BIN2: variants seen among roughly 807,000 people sequenced by gnomAD.
BIN2 encodes breast cancer associated protein BRAP1.
In BIN2, 43 loss-of-function variants were observed where a neutral mutation model predicts 67.9. The observed-to-expected ratio is 0.63, with a 90% confidence interval of 0.50 to 0.82. The LOEUF (loss-of-function observed/expected upper bound fraction) is 0.82. Ranked by LOEUF, BIN2 falls within the 40% of genes least tolerant of loss-of-function variation. The pLI is 0.00. For synonymous variants in BIN2, 244 were observed against 246.8 expected (o/e 0.99, Z 0.11); for missense variants, 581 against 671.6 (o/e 0.87, Z 1.49).
chr12:51,295,546 G>C (rs547513607), intron 9 of BIN2, among the ~76,000 whole-genome samples: 2 of 111,950 alleles, frequency 1.8e-5, no homozygotes, highest in African/African-American at 7.3e-5. Context: ...CTGGGCGACA[G>C]AGTGAGACTC....
intron 9 of BIN2, among the ~76,000 whole-genome samples, chr12:51,292,987 G>A (rs1251328138): frequency 1.3e-5 from 2 of 152,030 alleles, no homozygotes; most frequent in East Asian, 3.8e-4. Context: ...TCAGGCATGA[G>A]TTACAATGCT....
At chr12:51,295,760 G>A in intron 9 of BIN2, 36 bp downstream of exon 9, 1 of 1,576,758 alleles carries the variant, frequency 6.3e-7, no homozygotes, top group East Asian at 2.2e-5. Context: ...TCACACACAG[G>A]ACAAGCGAAG....
rs762334085 is a variant in BIN2, at chr12:51,291,895, C to T, written c.1211G>A (p.Arg404Lys). The T allele has an allele frequency of 1.2e-6, 2 of 1,614,182 alleles. No individual in the cohort carries two copies. The highest frequency in any genetic ancestry group is 1.1e-5 in the South Asian group (1 of 91,090). ...TGCTGAGGTCCTCTGGATAGAGGCT[C>T]TCTTCTTTGGTTGTTCAGATCCTTC... ...ASEGSEQPKK[R>K]ASIQRTSAPP... is the part of the protein sequence containing the mutation. Residue 404 changes from arginine to lysine, a missense_variant, in exon 10 of 13, where the codon AGA (arginine) becomes AAA (lysine). Transcript: ENST00000615107.
At chr12:51,316,748 C>T (rs1326508919) in intron 1 of BIN2, among the ~76,000 whole-genome samples, 3 of 152,228 alleles carry the variant, frequency 2.0e-5, no homozygotes, top group South Asian at 2.1e-4. Flanking sequence ...AGTTCAACTC[C>T]GTATCTTTTG....
chr12:51,294,944 T>C (rs1195412483), intron 9 of BIN2, among the ~76,000 whole-genome samples: 1 of 152,070 alleles, frequency 6.6e-6, no homozygotes, highest in Non-Finnish European at 1.5e-5. Flanking sequence ...TTTTATTAAT[T>C]TTTTTAGAGA....
chr12:51,291,180 AG>A (rs1393253190), intron 10 of BIN2, among the ~76,000 whole-genome samples: 1 of 152,166 alleles, frequency 6.6e-6, no homozygotes, highest in East Asian at 1.9e-4. Flanking sequence ...AACAAAAAAA[AG>A]TCAATTACCC....
chr12:51,284,963 A>G (rs938029395), intron 11 of BIN2, among the ~76,000 whole-genome samples, 176 bp from the exon 12 acceptor site: 4 of 152,204 alleles, frequency 2.6e-5, no homozygotes, highest in African/African-American at 9.6e-5. Flanking sequence ...GCTTTCATCC[A>G]TCCTCTTTTA....
upstream of BIN2, chr12:51,324,226 C>T: frequency 6.8e-7 from 1 of 1,462,746 alleles, no homozygotes. Flanking sequence ...CCACCTCAGG[C>T]CGCCCCTGGC....
At chr12:51,307,595 G>A (rs1248116870) in intron 2 of BIN2, among the ~76,000 whole-genome samples, 2 of 151,752 alleles carry the variant, frequency 1.3e-5, no homozygotes, top group Admixed American at 1.3e-4. Context: ...TGTAATCCCA[G>A]CTACTTAGGA....
intron 1 of BIN2, among the ~76,000 whole-genome samples, chr12:51,315,401 T>C (rs1342258988): frequency 6.6e-6 from 1 of 152,174 alleles, no homozygotes; most frequent in African/African-American, 2.4e-5. Flanking sequence ...CTCTATCTCC[T>C]GACCTCGTGA....
chr12:51,298,137 G>C (rs183187593), intron 7 of BIN2, among the ~76,000 whole-genome samples: 1 of 152,282 alleles, frequency 6.6e-6, no homozygotes, highest in East Asian at 1.9e-4. Context: ...ACTTTGGGAG[G>C]CTGAGGTAGG....
intron 2 of BIN2, among the ~76,000 whole-genome samples, chr12:51,307,462 A>T (rs1945897323): frequency 6.6e-6 from 1 of 151,770 alleles, no homozygotes; most frequent in Non-Finnish European, 1.5e-5. Context: ...TAATCCCACC[A>T]CTTTGGGAGG....
intron 1 of BIN2, among the ~76,000 whole-genome samples, chr12:51,320,272 G>A (rs974468790): frequency 5.9e-5 from 9 of 152,086 alleles, no homozygotes; most frequent in African/African-American, 1.7e-4. Context: ...TACCCACCTC[G>A]CCCTCCCAAA....
chr12:51,293,005 G>A (rs918811346), intron 9 of BIN2, among the ~76,000 whole-genome samples: 1 of 152,000 alleles, frequency 6.6e-6, no homozygotes, highest in Non-Finnish European at 1.5e-5. Context: ...GCTGCTGGTT[G>A]TGAGTTCAAT....
chr12:51,313,715 G>T, intron 2 of BIN2, 108 bp downstream of exon 2: 2 of 986,752 alleles, frequency 2.0e-6, no homozygotes, highest in Non-Finnish European at 3.2e-6. Context: ...GGGGGAGGGT[G>T]GCTTGGTGGA....
chr12:51,299,517 A>G (rs1945661146), intron 6 of BIN2, 90 bp downstream of exon 6: 2 of 1,188,682 alleles, frequency 1.7e-6, no homozygotes, highest in Non-Finnish European at 2.5e-6. Flanking sequence ...ATAATTTCCT[A>G]TACCCATGTT....
rs376067729 is a variant in BIN2, at chr12:51,292,003, G to A, written c.1103C>T (p.Pro368Leu). 8.7e-6 allele frequency: 14 copies of A among 1,614,248 alleles called. No individual in the cohort carries two copies. In the African/African-American group the frequency reaches 9.3e-5, roughly 11 times the overall value. Reference sequence around the variant, plus strand: ...AGGGCTCAGGGCTCCGCCTGGTGATGGAGTTGTGGAGCTGGGGAGAACTTC... The same window carrying A: ...AGGGCTCAGGGCTCCGCCTGGTGATAGAGTTGTGGAGCTGGGGAGAACTTC... ...QEEVLPSSTTPSPGGALSPSG... is the reference protein window; with the variant it reads ...QEEVLPSSTTLSPGGALSPSG... Residue 368 changes from proline (P) to leucine (L), a missense_variant, in exon 10 of 13, where the codon CCA (proline) becomes CTA (leucine). Transcript: ENST00000615107.
intron 4 of BIN2, 133 bp from the exon 5 acceptor site, chr12:51,302,248 G>T: frequency 1.6e-6 from 1 of 629,476 alleles, no homozygotes; most frequent in South Asian, 1.9e-5. Flanking sequence ...TGGATTCTGG[G>T]GACTAGTCAG....
At chr12:51,299,799 G>A (rs1319928487) in intron 5 of BIN2, 85 bp from the exon 6 acceptor site, 1 of 1,140,282 alleles carries the variant, frequency 8.8e-7, no homozygotes, top group African/African-American at 1.5e-5. Flanking sequence ...CAGAGAGCAA[G>A]ATTCTTGCAT....
Sources: allele counts gnomAD v4.1 joint callset (sites outside exome capture counted in the v4.1 genomes callset), GRCh38; gene constraint gnomAD v4.1.1; transcripts MANE v1.5; gene names NCBI Gene and HGNC (gene_info 2026-07-23, HGNC 2026-07-21).